The following EFCAB10 variants were observed in gnomAD, a reference collection of about 807,000 sequenced individuals.
The protein encoded by EFCAB10 is EF-hand calcium-binding domain-containing protein 10.
Under a neutral mutation model 7.7 loss-of-function variants are expected in EFCAB10, and 7 were observed. The observed-to-expected ratio is 0.91, with a 90% CI of 0.52 to 1.72. The LOEUF is 1.72. Ranked by LOEUF, EFCAB10 falls within the 40% of genes most tolerant of loss-of-function variation. The pLI, the probability that EFCAB10 is intolerant of heterozygous loss-of-function variation, is 0.00. For synonymous variants in EFCAB10, 52 were observed against 21.0 expected (o/e 2.47, Z -4.03); for missense variants, 112 against 61.5 (o/e 1.82, Z -2.74).
At chr7:105,571,570 G>A (rs1210940539) in intron 1 of EFCAB10, 1 of 152,130 alleles carries the variant, frequency 6.6e-6, no homozygotes, top group African/African-American at 2.4e-5. Flanking sequence ...GATGCTCAAG[G>A]CATTTTGCTT....
chr7:105,567,177 G>A, intron 4 of EFCAB10: 1 of 1,607,842 alleles, frequency 6.2e-7, no homozygotes, highest in Non-Finnish European at 8.5e-7. Flanking sequence ...ACTGCTGAAA[G>A]ATGTACTGCA....
intron 1 of EFCAB10, among the ~76,000 whole-genome samples, chr7:105,570,293 A>T (rs1375128024): frequency 7.2e-6 from 1 of 139,380 alleles, no homozygotes; most frequent in Non-Finnish European, 1.6e-5. Context: ...ATACATATAC[A>T]CATACACACA....
At chr7:105,577,696 T>C (rs1792114341) in intron 1 of EFCAB10, among the ~76,000 whole-genome samples, 1 of 151,642 alleles carries the variant, frequency 6.6e-6, no homozygotes. Flanking sequence ...TTGGCTGCCA[T>C]GGTGCTTTTG....
chr7:105,580,976 T>C (rs1176573674), intron 1 of EFCAB10, among the ~76,000 whole-genome samples: 1 of 152,140 alleles, frequency 6.6e-6, no homozygotes, highest in Admixed American at 6.5e-5. Flanking sequence ...TCCCAGCACT[T>C]TGAGGCGCCG....
chr7:105,567,416 T>A (rs1260085783), intron 4 of EFCAB10, 51 bp downstream of exon 4: 2 of 800,480 alleles, frequency 2.5e-6, no homozygotes, highest in Non-Finnish European at 4.2e-6. Flanking sequence ...ACTGGAAAAC[T>A]TTATAGAATT....
At position 105,567,252 on chromosome 7, in the gene EFCAB10, C is replaced by G. The variant is rs1231340123; in HGVS notation, c.383+215G>C. On this transcript the variant is annotated intron_variant, in intron 4 of 4. Transcript: ENST00000480514. Reference sequence around the variant, plus strand: ...TGAAGTTGGAATTTACAAACTGGCTCAACAAGATGTTGAGATTCTACTTAA... The same window carrying G: ...TGAAGTTGGAATTTACAAACTGGCTGAACAAGATGTTGAGATTCTACTTAA... The G allele has an allele frequency of 1.9e-6, 3 of 1,612,928 alleles. No homozygotes were observed. In the African/African-American group the frequency reaches 4.0e-5, roughly 22 times the overall value.
chr7:105,576,949 G>A (rs935851603), intron 1 of EFCAB10, among the ~76,000 whole-genome samples: 4 of 152,020 alleles, frequency 2.6e-5, no homozygotes, highest in Admixed American at 1.3e-4. Flanking sequence ...AGCTACTCTG[G>A]AGACTGAGGC....
At chr7:105,574,759 A>C (rs1457180129) in intron 1 of EFCAB10, among the ~76,000 whole-genome samples, 6 of 151,962 alleles carry the variant, frequency 3.9e-5, no homozygotes, top group African/African-American at 1.4e-4. Context: ...CTGGGTTTAC[A>C]AGCGTGAGCC....
rs749460107 is a variant in EFCAB10, at chr7:105,565,259, A to G, written c.*188T>C. The G allele has an allele frequency of 6.4e-7, 1 of 1,557,676 alleles. No individual in the cohort carries two copies. Among genetic ancestry groups the G allele is most frequent in the South Asian group, 1.2e-5 (1 of 83,960 alleles). On this transcript the variant is annotated 3_prime_UTR_variant, in exon 5 of 5. Coordinates refer to ENST00000480514, the MANE Select transcript of EFCAB10 (RefSeq NM_001355526.2). ...AGAAACTGATGAAAATTTTTTGGTA[A>G]AAATGTGTTTTTTCCAGATGGTTGT... is the stretch of plus-strand genomic sequence containing the variant.
intron 3 of EFCAB10, among the ~76,000 whole-genome samples, chr7:105,568,014 A>G (rs761843580): frequency 2.0e-4 from 31 of 152,256 alleles, no homozygotes; most frequent in Non-Finnish European, 4.0e-4. Flanking sequence ...AACAAAACAC[A>G]TTGTGAGATG....
In EFCAB10 at chr7:105,565,611, TC is replaced by T. The variant is rs1377539690; in HGVS notation, c.*-165del. 3 of 1,613,552 alleles carry T rather than the reference TC, an allele frequency of 1.9e-6. No homozygotes were observed. The highest frequency in any genetic ancestry group is 2.5e-6 in the Non-Finnish European group (3 of 1,179,630). On this transcript the variant is annotated intron_variant, in intron 4 of 4. Coordinates refer to ENST00000480514, the MANE Select transcript of EFCAB10 (RefSeq NM_001355526.2). ...GACTCGGAATCTTTTCCCTTTGTTT[TC>T]TCACTATTGCAAGAGACCAGAAAAT...
At chr7:105,572,139 T>C (rs902309065) in intron 1 of EFCAB10, 3 of 152,228 alleles carry the variant, frequency 2.0e-5, no homozygotes, top group African/African-American at 4.8e-5. Flanking sequence ...CACCATGATA[T>C]ACAGTAGATC....
chr7:105,574,161 TAC>T (rs1347614214), intron 1 of EFCAB10, among the ~76,000 whole-genome samples: 1 of 131,962 alleles, frequency 7.6e-6, no homozygotes, highest in Non-Finnish European at 1.6e-5. Context: ...TACATATATA[TAC>T]ACACACACCC....
Position 105,567,793 on chromosome 7 carries a change from A to G in EFCAB10, c.360-303T>C, listed in dbSNP as rs1411249026. 5 of 281,884 alleles carry G rather than the reference A, an allele frequency of 1.8e-5. No homozygotes were observed. In the Admixed American group the frequency reaches 2.0e-4, roughly 11 times the overall value. 17.5% of individuals were successfully genotyped at this position (281,884 alleles called of 1,614,324 possible). On this transcript the variant is annotated intron_variant, in intron 3 of 4. Coordinates refer to ENST00000480514, the MANE Select transcript of EFCAB10 (RefSeq NM_001355526.2). ...ATGCCTGTAATCCCAGCACTTTGGG[A>G]GGCTGAGGTAGGAGGATTGCTTGAG...
chr7:105,574,811 T>TC (rs1233793950), intron 1 of EFCAB10, among the ~76,000 whole-genome samples: 2 of 151,372 alleles, frequency 1.3e-5, no homozygotes, highest in Non-Finnish European at 1.5e-5. Context: ...AACCATCGGA[T>TC]CAGGTCAGGC....
In EFCAB10 at chr7:105,569,302, TGAG is replaced by T. The variant is rs1442490151; in HGVS notation, c.272-15_272-13del. On this transcript the variant is annotated splice_polypyrimidine_tract_variant and intron_variant, in intron 2 of 4. Coordinates refer to ENST00000480514, the MANE Select transcript of EFCAB10 (RefSeq NM_001355526.2). ...CAGGGTTTTTAGGGCTGTAAAATAATGAGAAGAAATGAAGTGAGAATTTTACAA... is the reference window on the plus strand; with the variant it reads ...CAGGGTTTTTAGGGCTGTAAAATAATAAGAAATGAAGTGAGAATTTTACAA... 5 of 696,746 alleles carry T rather than the reference TGAG, an allele frequency of 7.2e-6. No homozygotes were observed. The highest frequency in any genetic ancestry group is 4.1e-5 in the Admixed American group (2 of 48,200). 43.2% of individuals were successfully genotyped at this position (696,746 alleles called of 1,614,324 possible).
At chr7:105,576,852 G>A (rs917163476) in intron 1 of EFCAB10, among the ~76,000 whole-genome samples, 4 of 152,108 alleles carry the variant, frequency 2.6e-5, no homozygotes, top group Admixed American at 2.0e-4. Context: ...TCAGGAGTTC[G>A]AGACCAGTCT....
chr7:105,577,898 G>A (rs1449756480), intron 1 of EFCAB10, among the ~76,000 whole-genome samples: 3 of 152,080 alleles, frequency 2.0e-5, no homozygotes, highest in Non-Finnish European at 4.4e-5. Flanking sequence ...TTTTAGTAGA[G>A]ACAGCATTTC....
intron 4 of EFCAB10, chr7:105,566,734 T>C (rs1285805818): frequency 6.5e-6 from 1 of 153,282 alleles, no homozygotes; most frequent in Non-Finnish European, 1.5e-5. Flanking sequence ...TGTTTACACG[T>C]TTCATAGGAC....
Sources: allele counts gnomAD v4.1 joint callset (sites outside exome capture counted in the v4.1 genomes callset), GRCh38; gene constraint gnomAD v4.1.1; transcripts MANE v1.5; gene names NCBI Gene and HGNC (gene_info 2026-07-23, HGNC 2026-07-21).